The following ADGRB1 variants were observed in gnomAD, a reference collection of about 807,000 sequenced individuals.
The protein encoded by ADGRB1 is adhesion G protein-coupled receptor B1.
Under a neutral mutation model 175.7 loss-of-function variants are expected in ADGRB1, and 36 were observed. The observed-to-expected ratio is 0.20, with a 90% CI of 0.16 to 0.27. ADGRB1 has a LOEUF of 0.27. Ranked by LOEUF, ADGRB1 falls within the 10% of genes least tolerant of loss-of-function variation. ADGRB1 has a pLI of 1.00. For missense variants in ADGRB1, 1,731 were observed against 2,255.3 expected, an observed-to-expected ratio of 0.77 and a Z score of 4.71; for synonymous variants, 1,054 against 979.4, an observed-to-expected ratio of 1.08 and a Z score of -1.42.
rs1282325069 is a variant in ADGRB1, at chr8:142,542,665, G to A, written c.4413+18G>A. The A allele has an allele frequency of 1.3e-6, 2 of 1,532,644 alleles. No individual in the cohort carries two copies. Among genetic ancestry groups the A allele is most frequent in the Non-Finnish European group, 1.8e-6 (2 of 1,138,980 alleles). 94.9% of individuals were successfully genotyped at this position (1,532,644 alleles called of 1,614,324 possible). A position where few individuals can be genotyped will look rare whatever the true frequency, so the allele number is the denominator to read the frequency against. On this transcript the variant is annotated intron_variant, in intron 28 of 30. Coordinates refer to ENST00000517894, the MANE Select transcript of ADGRB1 (RefSeq NM_001702.3). The surrounding 1 kb of genome is among the most constrained non-coding windows in gnomAD (Gnocchi z 6.3). ...CCCTGGAGGTGAGGGGGGCAGGGGT[G>A]GGCCACACCCCAGCCAGCGAGGGCA...
At position 142,493,075 on chromosome 8, in the gene ADGRB1, T is replaced by G. The variant is rs966749069; in HGVS notation, c.2675+2260T>G. ...GGACAGCTTCACCCGTACTTCTGAT[T>G]GCTCCCTGGGGATCAGTCCCCAGGC... On this transcript the variant is annotated intron_variant, in intron 17 of 30. Coordinates refer to ENST00000517894, the MANE Select transcript of ADGRB1 (RefSeq NM_001702.3). This position sits in a 1 kb window ranked among gnomAD's most constrained non-coding sequence, Gnocchi z 5.0. 4.0e-5 allele frequency among the ~76,000 whole-genome samples: 6 copies of G among 151,778 alleles called. No homozygotes were observed. Among genetic ancestry groups the G allele is most frequent in the Non-Finnish European group, 8.8e-5 (6 of 67,936 alleles).
At chr8:142,520,998 T>C (rs955925728) in intron 20 of ADGRB1, 73 bp downstream of exon 20, 416 of 1,432,864 alleles carry the variant, frequency 2.9e-4, no homozygotes, top group Non-Finnish European at 3.6e-4. Context: ...AGGAGGGGCC[T>C]GGACCGTGGG....
At chr8:142,541,888 C>G (rs867343773) in intron 27 of ADGRB1, 53 bp from the exon 28 acceptor site, 1 of 1,485,298 alleles carries the variant, frequency 6.7e-7, no homozygotes, top group Non-Finnish European at 9.0e-7. Context: ...GACTGTCCTA[C>G]GCCATCCTCA....
chr8:142,535,793 C>T (rs1035970923), intron 25 of ADGRB1, among the ~76,000 whole-genome samples: 7 of 152,076 alleles, frequency 4.6e-5, no homozygotes, highest in East Asian at 1.9e-4. Flanking sequence ...ACCGGGCACA[C>T]GGTAGGTGCC....
chr8:142,476,928 A>G (rs1841010657), intron 4 of ADGRB1, among the ~76,000 whole-genome samples, 186 bp from the exon 5 acceptor site: 1 of 152,142 alleles, frequency 6.6e-6, no homozygotes, highest in Non-Finnish European at 1.5e-5. Flanking sequence ...GCCGGCCCTC[A>G]GGGCTCCCAG....
chr8:142,536,694 G>A (rs1844944471), intron 25 of ADGRB1, among the ~76,000 whole-genome samples: 1 of 152,088 alleles, frequency 6.6e-6, no homozygotes, highest in Admixed American at 6.5e-5. Context: ...GGTTCTCGCA[G>A]GCGGACTCTG....
rs977693674 is a variant in ADGRB1 at position 142,484,707 on chromosome 8, G to A, written c.2251G>A (p.Val751Ile). Reference sequence around the variant, plus strand: ...CCGGCTGGTGGAGGACTTTGTGGACGTCATCGGCTTCCGCATGAAGGACCT... The same window carrying A: ...CCGGCTGGTGGAGGACTTTGTGGACATCATCGGCTTCCGCATGAAGGACCT... ...LFRLVEDFVD[V>I]IGFRMKDLRD... The change falls in exon 13 of 31, where the codon GTC (valine) becomes ATC (isoleucine). Residue 751 changes from valine (V) to isoleucine (I), a missense_variant. Physicochemically the swap from Val to Ile is conservative, Grantham distance 29. This residue lies in a region of ADGRB1 where 388 missense variants were observed against 630.9 expected (regional missense o/e 0.61). Transcript: ENST00000517894. 2.5e-6 allele frequency: 4 copies of A among 1,612,274 alleles called. No homozygotes were observed. The highest frequency in any genetic ancestry group is 2.2e-5 in the East Asian group (1 of 44,834).
At chr8:142,469,396 C>T (rs1430556180) in intron 2 of ADGRB1, among the ~76,000 whole-genome samples, 1 of 140,986 alleles carries the variant, frequency 7.1e-6, no homozygotes, top group African/African-American at 2.7e-5. Flanking sequence ...TGTGTATGTG[C>T]ACATGCAGAT....
chr8:142,481,678 A>G lies in ADGRB1; in HGVS notation c.2097A>G (p.Arg699=), dbSNP rs1415143722. The G allele has an allele frequency of 1.9e-6, 3 of 1,597,302 alleles. No homozygotes were observed. In the East Asian group the frequency reaches 6.7e-5, roughly 36 times the overall value. The part of the protein sequence containing the change: ...VLRNMTEIFR[R]AYYSPTPGDV... ...GGAACATGACAGAGATTTTCCGGAGAGCGTACTACAGCCCCACCCCTGGGG... is the reference window on the plus strand; with the variant it reads ...GGAACATGACAGAGATTTTCCGGAGGGCGTACTACAGCCCCACCCCTGGGG... Residue 699 remains arginine, a synonymous_variant, in exon 11 of 31, where the codon AGA becomes AGG. Transcript: ENST00000517894.
At chr8:142,484,565 A>G (rs1841559998) in intron 12 of ADGRB1, 91 bp from the exon 13 acceptor site, 1 of 1,297,316 alleles carries the variant, frequency 7.7e-7, no homozygotes, top group Middle Eastern at 2.0e-4. Context: ...GAAATGGCCA[A>G]TAAGAAAAGG....
rs773201018 is a variant in ADGRB1 at position 142,544,281 on chromosome 8, C to A, written c.4619C>A (p.Thr1540Lys). 6.5e-7 allele frequency: 1 copy of A among 1,549,346 alleles called. No individual in the cohort carries two copies. Among genetic ancestry groups the A allele is most frequent in the Non-Finnish European group, 8.7e-7 (1 of 1,146,630 alleles). ...GAGAGCCTCCGGAAAGCCCACGGGA[C>A]GCCCACGTGGGTGAAGAAGGAGCTG... ...PWESLRKAHG[T>K]PTWVKKELEP... The change falls in exon 31 of 31, where the codon ACG (threonine) becomes AAG (lysine). Residue 1540 changes from threonine (T) to lysine (K), a missense_variant. By Grantham distance (78) the Thr-to-Lys change is moderately conservative. Coordinates refer to ENST00000517894, the MANE Select transcript of ADGRB1 (RefSeq NM_001702.3).
Position 142,510,912 on chromosome 8 carries a change from C to CGG in ADGRB1, c.2676-19_2676-18insGG. ...GCTGACGCTCCGCCTGTCTCCCTCC[C>CGG]GTGTCCCGCCCGCCCCCAGACCCTC... On this transcript the variant is annotated intron_variant, in intron 17 of 30. Coordinates refer to ENST00000517894, the MANE Select transcript of ADGRB1 (RefSeq NM_001702.3). This position sits in a 1 kb window ranked among gnomAD's most constrained non-coding sequence, Gnocchi z 6.3. The CGG allele has an allele frequency of 4.4e-5, 47 of 1,078,042 alleles. No individual in the cohort carries two copies. The highest frequency in any genetic ancestry group is 4.3e-4 in the Middle Eastern group (1 of 2,350). The allele number at this position is 1,078,042 out of a possible 1,614,324, so 66.8% of individuals were successfully genotyped here. A position where few individuals can be genotyped will look rare whatever the true frequency, so the allele number is the denominator to read the frequency against.
chr8:142,483,297 CACTGAGCCCTGACACTGGTCACAT>C (rs1841472669), intron 11 of ADGRB1, among the ~76,000 whole-genome samples: 1 of 148,802 alleles, frequency 6.7e-6, no homozygotes, highest in Non-Finnish European at 1.5e-5. Context: ...ACTGGTCACA[CACTGAGCCCTGACACTGGTCACAT>C]GCTGAACCCT....
In ADGRB1 at chr8:142,510,045, C is replaced by T. The variant is rs927185653; in HGVS notation, c.2676-887C>T. 6.6e-5 allele frequency among the ~76,000 whole-genome samples: 10 copies of T among 151,776 alleles called. No individual in the cohort carries two copies. Among genetic ancestry groups the T allele is most frequent in the Admixed American group, 1.3e-4 (2 of 15,264 alleles). ...GGCTGCCTTGAAGGGTGGGGGAATT[C>T]GGCTCCAAAGCAGGAGGAGGAGGAA... is the stretch of plus-strand genomic sequence containing the variant. On this transcript the variant is annotated intron_variant, in intron 17 of 30. Coordinates refer to ENST00000517894, the MANE Select transcript of ADGRB1 (RefSeq NM_001702.3). The surrounding 1 kb of genome is among the most constrained non-coding windows in gnomAD (Gnocchi z 6.3).
intron 26 of ADGRB1, among the ~76,000 whole-genome samples, chr8:142,538,050 C>T (rs1168445791): frequency 6.6e-6 from 1 of 152,204 alleles, no homozygotes; most frequent in Non-Finnish European, 1.5e-5. Context: ...GTGCAGAACC[C>T]GCAGCTGTGC....
chr8:142,526,040 G>A (rs546075349), intron 23 of ADGRB1, among the ~76,000 whole-genome samples: 2 of 152,306 alleles, frequency 1.3e-5, no homozygotes, highest in East Asian at 3.9e-4. Flanking sequence ...TTATGTTAGA[G>A]CCCAAGAAGA....
intron 25 of ADGRB1, among the ~76,000 whole-genome samples, chr8:142,535,812 A>G (rs2132245515): frequency 6.6e-6 from 1 of 151,850 alleles, no homozygotes; most frequent in South Asian, 2.1e-4. Flanking sequence ...CCCAGTAGGC[A>G]TTTGCGGGGC....
intron 17 of ADGRB1, among the ~76,000 whole-genome samples, chr8:142,500,235 ACCTCCC>A (rs1563716039): frequency 7.4e-5 from 1 of 13,584 alleles, no homozygotes; most frequent in African/African-American, 3.0e-4. Context: ...CCGCTCCTCC[ACCTCCC>A]CACGCGCCGC....
At chr8:142,521,371 A>G (rs917177325) in intron 20 of ADGRB1, among the ~76,000 whole-genome samples, 1 of 152,056 alleles carries the variant, frequency 6.6e-6, no homozygotes, top group African/African-American at 2.4e-5. Flanking sequence ...TGCCCTCCCC[A>G]GACCCCCTAT....
Sources: allele counts gnomAD v4.1 joint callset (sites outside exome capture counted in the v4.1 genomes callset), GRCh38; gene constraint gnomAD v4.1.1; regional missense constraint gnomAD v4.1.1; non-coding constraint Gnocchi (gnomAD v3.1); transcripts MANE v1.5; gene names NCBI Gene and HGNC (gene_info 2026-07-23, HGNC 2026-07-21).